Variants in NT5C2 observed in about 807,000 individuals in gnomAD.
NT5C2 encodes the protein 5'-nucleotidase, cytosolic II, also known as cytosolic purine 5'-nucleotidase.
Under a neutral mutation model 76.1 loss-of-function variants are expected in NT5C2, and 58 were observed. The ratio of observed to expected loss-of-function variants is 0.76; its 90% CI spans 0.62 to 0.95. The LOEUF (loss-of-function observed/expected upper bound fraction) is 0.95. Ranked by LOEUF, NT5C2 falls within the 40% of genes least tolerant of loss-of-function variation. The probability of loss-of-function intolerance (pLI) is 0.00; values close to 1 mark genes in which losing one functional copy is unlikely to be tolerated. For synonymous variants in NT5C2, 229 were observed against 237.4 expected (o/e 0.96, Z 0.32); for missense variants, 478 against 690.3 (o/e 0.69, Z 3.45).
chr10:103,094,597 G>T (rs1271536396), intron 12 of NT5C2, 142 bp from the exon 13 acceptor site: 1 of 623,262 alleles, frequency 1.6e-6, no homozygotes, highest in African/African-American at 1.8e-5. Context: ...AAAAGGTATT[G>T]TGTCAGCCAG....
rs2134582807 is a variant in NT5C2 at position 103,091,719 on chromosome 10, A to G, written c.1160-104T>C. On this transcript the variant is annotated intron_variant, in intron 15 of 18. Coordinates refer to ENST00000404739, the MANE Select transcript of NT5C2 (RefSeq NM_001351169.2). ...GTTGCAGATGTGACTGGAAAGTAGA[A>G]CCTGGGACTAACATGCTGAGTGTAC... 4 of 877,804 alleles carry G rather than the reference A, an allele frequency of 4.6e-6. No individual in the cohort carries two copies. In the East Asian group the frequency reaches 1.0e-4, roughly 22 times the overall value. 54.4% of individuals were successfully genotyped at this position (877,804 alleles called of 1,614,324 possible). A position where few individuals can be genotyped will look rare whatever the true frequency, so the allele number is the denominator to read the frequency against.
chr10:103,091,970 A>G (rs2134598480), intron 15 of NT5C2, among the ~76,000 whole-genome samples: 1 of 152,330 alleles, frequency 6.6e-6, no homozygotes, highest in Non-Finnish European at 1.5e-5. Flanking sequence ...TCCCATTTTC[A>G]GATGAAAGAT....
chr10:103,144,494 G>C (rs2081142475), intron 3 of NT5C2, among the ~76,000 whole-genome samples: 1 of 152,180 alleles, frequency 6.6e-6, no homozygotes, highest in Non-Finnish European at 1.5e-5. Context: ...TGTTAGAAAA[G>C]AGATTAAGCT....
intron 4 of NT5C2, among the ~76,000 whole-genome samples, chr10:103,131,405 G>A (rs2078146003): frequency 6.6e-6 from 1 of 152,140 alleles, no homozygotes; most frequent in Admixed American, 6.5e-5. Flanking sequence ...CAATGTGATG[G>A]TGTCAGGAAG....
At chr10:103,098,652 T>C in intron 10 of NT5C2, 1 of 359,786 alleles carries the variant, frequency 2.8e-6, no homozygotes, top group Non-Finnish European at 5.0e-6. Flanking sequence ...CTAACTGCTA[T>C]TATAATTGAA....
intron 4 of NT5C2, among the ~76,000 whole-genome samples, chr10:103,114,798 G>A (rs1323434726): frequency 6.6e-6 from 1 of 152,098 alleles, no homozygotes; most frequent in Non-Finnish European, 1.5e-5. Context: ...ACTTGATGTG[G>A]ACCCCTATAA....
At chr10:103,092,466 C>T (rs1590644002) in intron 15 of NT5C2, among the ~76,000 whole-genome samples, 1 of 152,238 alleles carries the variant, frequency 6.6e-6, no homozygotes, top group Non-Finnish European at 1.5e-5. Flanking sequence ...ATCTCATTAA[C>T]TTGCCTAACG....
Position 103,101,429 on chromosome 10 carries a change from G to A in NT5C2, c.390-103C>T, listed in dbSNP as rs2135092523. On this transcript the variant is annotated intron_variant, in intron 6 of 18. Transcript: ENST00000404739. ...AACTCAAATATTTTGATGGCTATGT[G>A]CAAGACAGAATTCCGAATATTACGC... 8 of 654,576 alleles carry A rather than the reference G, an allele frequency of 1.2e-5. No homozygotes were observed. In the South Asian group the frequency reaches 1.4e-4, roughly 12 times the overall value. 40.5% of individuals were successfully genotyped at this position (654,576 alleles called of 1,614,324 possible). A position where few individuals can be genotyped will look rare whatever the true frequency, so the allele number is the denominator to read the frequency against.
intron 4 of NT5C2, among the ~76,000 whole-genome samples, chr10:103,132,413 A>G (rs748717278): frequency 1.3e-5 from 2 of 152,222 alleles, no homozygotes; most frequent in South Asian, 2.1e-4. Context: ...TCCATAGTTC[A>G]ACTAATAATA....
At chr10:103,172,144 A>C (rs2088255810) in intron 3 of NT5C2, among the ~76,000 whole-genome samples, 1 of 152,100 alleles carries the variant, frequency 6.6e-6, no homozygotes, top group Non-Finnish European at 1.5e-5. Context: ...TGGGAGGCAG[A>C]GGTTGCAGTG....
chr10:103,178,235 G>A (rs753326497), intron 2 of NT5C2, among the ~76,000 whole-genome samples: 18 of 152,244 alleles, frequency 1.2e-4, no homozygotes, highest in Non-Finnish European at 2.4e-4. Flanking sequence ...AGACCTAAAC[G>A]TAATATCTAA....
chr10:103,153,268 GAAA>G (rs1450987334), intron 3 of NT5C2: 1 of 1,276,134 alleles, frequency 7.8e-7, no homozygotes, highest in Admixed American at 2.4e-5. Flanking sequence ...AAATGAAAGA[GAAA>G]GAATAATAAA....
intron 10 of NT5C2, chr10:103,098,278 G>A (rs892376865): frequency 5.0e-5 from 14 of 280,582 alleles, no homozygotes; most frequent in Non-Finnish European, 8.1e-5. Flanking sequence ...ATTAACATTG[G>A]TACAATACTA....
rs771497418 is a variant in NT5C2 at position 103,095,940 on chromosome 10, T to C, written c.812A>G (p.Lys271Arg). 7 of 1,612,966 alleles carry C rather than the reference T, an allele frequency of 4.3e-6. No individual in the cohort carries two copies. In the South Asian group the frequency reaches 4.4e-5, roughly 10 times the overall value. The change falls in exon 12 of 19, where the codon AAG (lysine) becomes AGG (arginine). Residue 271 changes from lysine (K) to arginine (R), a missense_variant and splice_region_variant. By Grantham distance (26) the Lys-to-Arg change is conservative. Transcript: ENST00000404739. The stretch of plus-strand genomic sequence containing the variant: ...GGTCTATTGAGTCACATACGGTACC[T>C]TGGGGCCATGTGGGAAGTCAAACAG... ...TYLFDFPHGPKPGSSHRPWQS... is the reference protein window; with the variant it reads ...TYLFDFPHGPRPGSSHRPWQS...
Position 103,089,901 on chromosome 10 carries a change from T to C in NT5C2, c.1457A>G (p.His486Arg), listed in dbSNP as rs1169468160. 2 of 1,600,302 alleles carry C rather than the reference T, an allele frequency of 1.2e-6. No individual in the cohort carries two copies. The highest frequency in any genetic ancestry group is 1.3e-5 in the African/African-American group (1 of 74,506). The change falls in exon 19 of 19, where the codon CAT becomes CGT. Residue 486 changes from histidine to arginine, a missense_variant. Coordinates refer to ENST00000404739, the MANE Select transcript of NT5C2 (RefSeq NM_001351169.2). Reference protein sequence around the residue: ...LFRAAHVLMPHESTVEHTHVD... With the variant: ...LFRAAHVLMPRESTVEHTHVD... ...GTGTGTGTGCTCCACCGTTGATTCATGAGGCATCTAGACAGAAAAAAGCTA... is the reference window on the plus strand; with the variant it reads ...GTGTGTGTGCTCCACCGTTGATTCACGAGGCATCTAGACAGAAAAAAGCTA...
At chr10:103,181,830 C>A (rs1389598777) in intron 1 of NT5C2, among the ~76,000 whole-genome samples, 1 of 151,694 alleles carries the variant, frequency 6.6e-6, no homozygotes, top group Admixed American at 6.6e-5. Flanking sequence ...CATGATGAAA[C>A]CCTGTCTCTA....
intron 4 of NT5C2, among the ~76,000 whole-genome samples, chr10:103,122,437 T>A (rs1391681344): frequency 6.6e-6 from 1 of 152,248 alleles, no homozygotes; most frequent in Non-Finnish European, 1.5e-5. Context: ...CTTATTGATA[T>A]CTCATCTAGA....
In NT5C2 at chr10:103,192,075, G is replaced by A. The variant is rs80001785; in HGVS notation, c.-169+1161C>T. On this transcript the variant is annotated intron_variant, in intron 1 of 18. Transcript: ENST00000404739. ...CTAACCGTTGTTGAAAAGCCATGTG[G>A]TAAATATTTTTGAAACCTAAAGCCT... Among the ~76,000 whole-genome samples the A allele has an allele frequency of 1.1e-4, 16 of 151,974 alleles. No homozygotes were observed. In the East Asian group the frequency reaches 2.9e-3, roughly 28 times the overall value.
rs2066059499 is a variant in NT5C2 at position 103,089,020 on chromosome 10, AAACAAACAAAAGGTAATAAGGATACT to A, written c.*626_*651del. 1 of 213,272 alleles carries A rather than the reference AAACAAACAAAAGGTAATAAGGATACT, an allele frequency of 4.7e-6. No individual in the cohort carries two copies. Among genetic ancestry groups the A allele is most frequent in the South Asian group, 1.9e-4 (1 of 5,372 alleles). The allele number at this position is 213,272 out of a possible 1,614,324, so 13.2% of individuals were successfully genotyped here. Reference sequence around the variant, plus strand: ...ATAACAAATAAGCATTTGTGCTATTAAACAAACAAAAGGTAATAAGGATACTGTCTTTTCCCTCAAAATAGAATCCT... The same window carrying A: ...ATAACAAATAAGCATTTGTGCTATTAGTCTTTTCCCTCAAAATAGAATCCT... On this transcript the variant is annotated 3_prime_UTR_variant, in exon 19 of 19. Coordinates refer to ENST00000404739, the MANE Select transcript of NT5C2 (RefSeq NM_001351169.2).
Sources: allele counts gnomAD v4.1 joint callset (sites outside exome capture counted in the v4.1 genomes callset), GRCh38; gene constraint gnomAD v4.1.1; transcripts MANE v1.5; gene names NCBI Gene and HGNC (gene_info 2026-07-23, HGNC 2026-07-21).